The following XXYLT1 variants were observed in gnomAD, a reference collection of about 807,000 sequenced individuals.
XXYLT1 encodes the protein xyloside xylosyltransferase 1.
A neutral mutation model predicts 28.9 loss-of-function variants in XXYLT1; 20 were observed. That is an observed-to-expected ratio of 0.69 (90% CI 0.49 to 1.00). XXYLT1 has a LOEUF of 1.00. Among genes scored for constraint, XXYLT1 ranks in the 50% least tolerant of loss-of-function variants. The pLI, the probability that XXYLT1 is intolerant of heterozygous loss-of-function variation, is 0.00. For synonymous variants in XXYLT1, 257 were observed against 253.8 expected (o/e 1.01, Z -0.12); for missense variants, 542 against 560.1 (o/e 0.97, Z 0.33).
rs572304482 is a variant in XXYLT1, at chr3:195,197,585, G to T, written c.652+29124C>A. On this transcript the variant is annotated intron_variant, in intron 2 of 3. Coordinates refer to ENST00000310380, the MANE Select transcript of XXYLT1 (RefSeq NM_152531.5). Reference sequence around the variant, plus strand: ...TATTAAGAAACACTATGTACCTAAAGATGTTCACAAGCATCATAGTATGGC... The same window carrying T: ...TATTAAGAAACACTATGTACCTAAATATGTTCACAAGCATCATAGTATGGC... 2.0e-3 allele frequency among the ~76,000 whole-genome samples: 309 copies of T among 152,204 alleles called. 2 individuals are homozygous for T. The highest frequency in any genetic ancestry group is 3.4e-3 in the Middle Eastern group (1 of 294).
chr3:195,204,517 C>G (rs995915007), intron 2 of XXYLT1, among the ~76,000 whole-genome samples: 4 of 150,394 alleles, frequency 2.7e-5, no homozygotes, highest in African/African-American at 5.0e-5. Flanking sequence ...GTGGCATCTT[C>G]GTGTTCCAGT....
At chr3:195,244,484 G>A (rs564093155) in intron 1 of XXYLT1, among the ~76,000 whole-genome samples, 183 of 152,210 alleles carry the variant, frequency 1.2e-3, no homozygotes, top group Non-Finnish European at 2.3e-3. Context: ...ACTCCCGGCC[G>A]GGCGCGGTGG....
intron 2 of XXYLT1, among the ~76,000 whole-genome samples, chr3:195,206,850 A>G (rs1284756182): frequency 6.6e-6 from 1 of 152,092 alleles, no homozygotes; most frequent in Non-Finnish European, 1.5e-5. Flanking sequence ...TCTGGGGGAG[A>G]AGGCGATGGG....
intron 3 of XXYLT1, among the ~76,000 whole-genome samples, chr3:195,143,816 A>ATTTTTTT (rs1719639528): frequency 1.3e-5 from 1 of 78,946 alleles, no homozygotes; most frequent in Non-Finnish European, 2.4e-5. Context: ...ATATATATAG[A>ATTTTTTT]TATAGATATA....
chr3:195,230,036 C>A (rs1393572520), intron 1 of XXYLT1, among the ~76,000 whole-genome samples: 1 of 152,144 alleles, frequency 6.6e-6, no homozygotes, highest in Non-Finnish European at 1.5e-5. Flanking sequence ...ACATCCTCAC[C>A]AGCATTTGTT....
intron 3 of XXYLT1, among the ~76,000 whole-genome samples, chr3:195,126,682 G>A (rs1204317884): frequency 1.3e-5 from 2 of 152,182 alleles, no homozygotes; most frequent in Non-Finnish European, 2.9e-5. Context: ...GACATCCCTG[G>A]AGGGCTCCTC....
intron 3 of XXYLT1, among the ~76,000 whole-genome samples, chr3:195,128,694 A>T (rs1718757978): frequency 1.3e-5 from 2 of 152,074 alleles, no homozygotes; most frequent in East Asian, 3.9e-4. Context: ...CCTCTTCCTG[A>T]TGCCTTCCCT....
chr3:195,143,818 A>ATTTTT (rs1577073279), intron 3 of XXYLT1, among the ~76,000 whole-genome samples: 1 of 96,306 alleles, frequency 1.0e-5, no homozygotes. Flanking sequence ...ATATATAGAT[A>ATTTTT]TAGATATATA....
chr3:195,081,976 A>G (rs1470427308), intron 3 of XXYLT1, among the ~76,000 whole-genome samples: 1 of 152,248 alleles, frequency 6.6e-6, no homozygotes, highest in Non-Finnish European at 1.5e-5. Context: ...GTTCTAGGCC[A>G]GGACTAGAAG....
Position 195,180,268 on chromosome 3 carries a change from GT to G in XXYLT1, c.653-23688del. 1 of 965,654 alleles carries G rather than the reference GT, an allele frequency of 1.0e-6. No individual in the cohort carries two copies. Among genetic ancestry groups the G allele is most frequent in the Non-Finnish European group, 1.2e-6 (1 of 812,030 alleles). 59.8% of individuals were successfully genotyped at this position (965,654 alleles called of 1,614,324 possible). A position where few individuals can be genotyped will look rare whatever the true frequency, so the allele number is the denominator to read the frequency against. ...CCGGGGGTGGTGAGTGGCACACTCG[GT>G]CCCCCAGTTACAGGAAAGGTCCCTT... On this transcript the variant is annotated intron_variant, in intron 2 of 3. Coordinates refer to ENST00000310380, the MANE Select transcript of XXYLT1 (RefSeq NM_152531.5). This position sits in a 1 kb window ranked among gnomAD's most constrained non-coding sequence, Gnocchi z 5.8.
At chr3:195,267,238 C>T (rs989117614) in intron 1 of XXYLT1, among the ~76,000 whole-genome samples, 1 of 152,214 alleles carries the variant, frequency 6.6e-6, no homozygotes, top group Admixed American at 6.5e-5. Context: ...TGCTGAGGTC[C>T]CAGAGCCAAC....
Position 195,153,282 on chromosome 3 carries a change from G to C in XXYLT1, c.785+3167C>G, listed in dbSNP as rs926618657. On this transcript the variant is annotated intron_variant, in intron 3 of 3. Transcript: ENST00000310380. ...TCTTGTGAAAGAAGGCAAAAAACAT[G>C]CTCAATTCCTTGTCGGCCAGCCAGT... is the stretch of plus-strand genomic sequence containing the variant. 3.9e-5 allele frequency among the ~76,000 whole-genome samples: 6 copies of C among 152,336 alleles called. No homozygotes were observed. The East Asian group carries it at 5.8e-4, about 15-fold the overall frequency.
At chr3:195,187,403 T>C (rs551271423) in intron 2 of XXYLT1, among the ~76,000 whole-genome samples, 3 of 152,198 alleles carry the variant, frequency 2.0e-5, no homozygotes, top group Non-Finnish European at 4.4e-5. Flanking sequence ...CTGTCTCTTC[T>C]GTGTCCCTTC....
rs192453692 is a variant in XXYLT1, at chr3:195,169,512, T to C, written c.653-12931A>G. On this transcript the variant is annotated intron_variant, in intron 2 of 3. Transcript: ENST00000310380. Reference sequence around the variant, plus strand: ...GCTGCCACGTCCCCTCATGCCACAGTGGGACACAGATATAGATGGTCCCCG... The same window carrying C: ...GCTGCCACGTCCCCTCATGCCACAGCGGGACACAGATATAGATGGTCCCCG... 6.8e-4 allele frequency among the ~76,000 whole-genome samples: 104 copies of C among 152,298 alleles called. 1 individual carries two copies. The highest frequency in any genetic ancestry group is 2.5e-3 in the African/African-American group (102 of 41,564).
intron 3 of XXYLT1, among the ~76,000 whole-genome samples, chr3:195,097,360 C>T (rs1168525355): frequency 2.0e-5 from 3 of 152,092 alleles, no homozygotes; most frequent in Admixed American, 6.5e-5. Flanking sequence ...ACGCGGGTTA[C>T]AGCAATGGCA....
At position 195,255,176 on chromosome 3, in the gene XXYLT1, C is replaced by T. The variant is rs955231592; in HGVS notation, c.504+15379G>A. 3.3e-5 allele frequency among the ~76,000 whole-genome samples: 5 copies of T among 152,184 alleles called. No individual in the cohort carries two copies. Among genetic ancestry groups the T allele is most frequent in the Admixed American group, 6.5e-5 (1 of 15,280 alleles). On this transcript the variant is annotated intron_variant, in intron 1 of 3. Coordinates refer to ENST00000310380, the MANE Select transcript of XXYLT1 (RefSeq NM_152531.5). The surrounding 1 kb of genome is among the most constrained non-coding windows in gnomAD (Gnocchi z 4.5). ...CAGTCCCTCAGCAAGGAGCTTCAGT[C>T]GGACTAAACCAGCAGAAAAGGCGGT... is the stretch of plus-strand genomic sequence containing the variant.
intron 2 of XXYLT1, among the ~76,000 whole-genome samples, chr3:195,204,421 T>C (rs982268396): frequency 1.3e-5 from 2 of 149,894 alleles, no homozygotes; most frequent in African/African-American, 5.0e-5. Context: ...GGCTAAAAGG[T>C]CCTCGCTTTC....
chr3:195,234,687 C>T (rs916356435), intron 1 of XXYLT1, among the ~76,000 whole-genome samples: 5 of 152,120 alleles, frequency 3.3e-5, no homozygotes, highest in Admixed American at 1.3e-4. Flanking sequence ...TGTCATGCCA[C>T]TCTCTCCTGG....
rs1387528910 is a variant in XXYLT1 at position 195,088,465 on chromosome 3, C to G, written c.786-18354G>C. Among the ~76,000 whole-genome samples the G allele has an allele frequency of 1.4e-3, 202 of 143,414 alleles. 24 individuals are homozygous for G. Among genetic ancestry groups the G allele is most frequent in the Middle Eastern group, 3.5e-3 (1 of 284 alleles). 94.1% of individuals were successfully genotyped at this position (143,414 alleles called of 152,430 possible). On this transcript the variant is annotated intron_variant, in intron 3 of 3. Coordinates refer to ENST00000310380, the MANE Select transcript of XXYLT1 (RefSeq NM_152531.5). ...CTCCAACAGACCTGCAGCTGAGGGTCCTGTCTGTTAGAAGGAAAACTAACA... is the reference window on the plus strand; with the variant it reads ...CTCCAACAGACCTGCAGCTGAGGGTGCTGTCTGTTAGAAGGAAAACTAACA...
Sources: gnomAD v4.1 joint callset for allele counts (sites outside exome capture counted in the v4.1 genomes callset) on GRCh38, gnomAD v4.1.1 for gene constraint, Gnocchi (gnomAD v3.1) non-coding constraint, MANE v1.5 for transcripts, NCBI Gene and HGNC (gene_info 2026-07-23, HGNC 2026-07-21) for gene names.